MANSC1: variants seen among roughly 807,000 people sequenced by gnomAD.
MANSC1 encodes MANSC domain-containing protein 1.
MANSC1 carries 13 observed loss-of-function variants against 14.1 expected under a neutral mutation model. The observed-to-expected ratio is 0.92, with a 90% CI of 0.60 to 1.46. The LOEUF (loss-of-function observed/expected upper bound fraction) is 1.46. Among genes scored for constraint, MANSC1 ranks in the 40% most tolerant of loss-of-function variants. The probability of loss-of-function intolerance (pLI) is 0.00; values close to 1 mark genes in which losing one functional copy is unlikely to be tolerated. For missense variants in MANSC1, 486 were observed against 511.4 expected (o/e 0.95, Z 0.48); for synonymous variants, 227 against 200.7 (o/e 1.13, Z -1.11).
Position 12,343,475 on chromosome 12 carries a change from C to T in MANSC1, c.-100-61G>A, listed in dbSNP as rs76420539. On this transcript the variant is annotated intron_variant, in intron 1 of 3. Transcript: ENST00000535902. ...TTTCTTTAACAAACAAGGGAAGAAA[C>T]ATTTCATTTCCTTAAAGTCAATGAA... 3.3e-3 allele frequency: 1,924 copies of T among 579,266 alleles called. 33 individuals carry two copies. The highest frequency in any genetic ancestry group is 0.028 in the African/African-American group (1,520 of 53,666). The allele number at this position is 579,266 out of a possible 1,614,324, so 35.9% of individuals were successfully genotyped here.
rs1014298968 is a variant in MANSC1 at position 12,350,201 on chromosome 12, G to T, written c.-224C>A. On this transcript the variant is annotated 5_prime_UTR_variant, in exon 1 of 4. Transcript: ENST00000535902. ...CGGCGAGGACCGCAGCGGATGCTCC[G>T]CAGCTCCCGCACCGGCCTGGCGGGT... 8 of 152,252 alleles carry T rather than the reference G, an allele frequency of 5.3e-5. No homozygotes were observed. Among genetic ancestry groups the T allele is most frequent in the Non-Finnish European group, 8.8e-5 (6 of 68,052 alleles). 9.4% of individuals were successfully genotyped at this position (152,252 alleles called of 1,614,324 possible). A position where few individuals can be genotyped will look rare whatever the true frequency, so the allele number is the denominator to read the frequency against.
Position 12,343,380 on chromosome 12 carries a change from C to T in MANSC1, c.-66G>A. 1 of 1,138,724 alleles carries T rather than the reference C, an allele frequency of 8.8e-7. No homozygotes were observed. The highest frequency in any genetic ancestry group is 2.4e-5 in the East Asian group (1 of 41,018). The allele number at this position is 1,138,724 out of a possible 1,614,324, so 70.5% of individuals were successfully genotyped here. A position where few individuals can be genotyped will look rare whatever the true frequency, so the allele number is the denominator to read the frequency against. ...TAATCCTCCCTCTGGTCTTAGTTTG[C>T]TTTAAGAAGGCTGCACAGATGATGA... is the stretch of plus-strand genomic sequence containing the variant. On this transcript the variant is annotated 5_prime_UTR_variant, in exon 2 of 4. Coordinates refer to ENST00000535902, the MANE Select transcript of MANSC1 (RefSeq NM_018050.4).
intron 3 of MANSC1, among the ~76,000 whole-genome samples, chr12:12,337,593 C>T (rs1323823712): frequency 6.6e-6 from 1 of 152,124 alleles, no homozygotes; most frequent in Non-Finnish European, 1.5e-5. Context: ...ACAACAACAA[C>T]AAACCCCACT....
chr12:12,347,777 G>A (rs549267085), intron 1 of MANSC1, among the ~76,000 whole-genome samples: 25 of 152,188 alleles, frequency 1.6e-4, no homozygotes, highest in Non-Finnish European at 2.9e-4. Context: ...AGAAATTCTC[G>A]CCTGGGCGCG....
chr12:12,344,821 C>G lies in MANSC1; in HGVS notation c.-100-1407G>C, dbSNP rs369051409. ...GCTTCCTGCCTTCAAACATCAGACT[C>G]CAAGTTCTTCAGTTTTGAAACTCCT... On this transcript the variant is annotated intron_variant, in intron 1 of 3. Transcript: ENST00000535902. 6.8e-5 allele frequency among the ~76,000 whole-genome samples: 10 copies of G among 147,646 alleles called. No homozygotes were observed. The East Asian group carries it at 1.4e-3, about 21-fold the overall frequency.
chr12:12,339,653 C>T (rs1444529732), intron 2 of MANSC1, among the ~76,000 whole-genome samples: 1 of 152,172 alleles, frequency 6.6e-6, no homozygotes, highest in African/African-American at 2.4e-5. Flanking sequence ...TGGCTCCTTC[C>T]ACACAGGATC....
intron 1 of MANSC1, among the ~76,000 whole-genome samples, chr12:12,347,870 C>T (rs1207452497): frequency 2.0e-5 from 3 of 151,854 alleles, no homozygotes; most frequent in Non-Finnish European, 2.9e-5. Context: ...ATCAGCCTGA[C>T]CAACATGGTG....
At chr12:12,332,925 C>T (rs1051435662) in intron 3 of MANSC1, among the ~76,000 whole-genome samples, 11 of 152,054 alleles carry the variant, frequency 7.2e-5, no homozygotes, top group Non-Finnish European at 1.5e-4. Flanking sequence ...ACCTAAAGTA[C>T]TGGTGTGAAA....
chr12:12,344,500 T>C (rs1862978826), intron 1 of MANSC1, among the ~76,000 whole-genome samples: 1 of 146,232 alleles, frequency 6.8e-6, no homozygotes, highest in South Asian at 2.2e-4. Context: ...TGAGACAGAG[T>C]ATTGCTGTCG....
intron 3 of MANSC1, 136 bp from the exon 4 acceptor site, chr12:12,331,094 C>A (rs911479166): frequency 4.9e-6 from 3 of 615,492 alleles, no homozygotes; most frequent in Admixed American, 3.1e-5. Context: ...ATAATCCCAG[C>A]ACTTTGGGAG....
At chr12:12,333,562 G>T (rs1423710637) in intron 3 of MANSC1, among the ~76,000 whole-genome samples, 2 of 152,112 alleles carry the variant, frequency 1.3e-5, no homozygotes, top group African/African-American at 2.4e-5. Flanking sequence ...ACCACAAAGG[G>T]ATCCTCCACA....
Position 12,330,521 on chromosome 12 carries a change from C to T in MANSC1, c.802G>A (p.Ala268Thr). 2 of 1,614,142 alleles carry T rather than the reference C, an allele frequency of 1.2e-6. No homozygotes were observed. The highest frequency in any genetic ancestry group is 2.2e-5 in the East Asian group (1 of 44,890). The change falls in exon 4 of 4, where the codon GCT becomes ACT. Residue 268 changes from alanine to threonine, a missense_variant. Coordinates refer to ENST00000535902, the MANE Select transcript of MANSC1 (RefSeq NM_018050.4). ...GAAGTGACAGTGGTTACAGGTGGAG[C>T]TGTGGTGGCCAGCTGTGGCTGGGAA... ...GTSQPQLATT[A>T]PPVTTVTSQP...
intron 3 of MANSC1, among the ~76,000 whole-genome samples, chr12:12,335,867 C>T (rs1862852660): frequency 6.6e-6 from 1 of 151,526 alleles, no homozygotes; most frequent in Non-Finnish European, 1.5e-5. Context: ...AATAAAACTC[C>T]CAACAGCTTC....
intron 3 of MANSC1, among the ~76,000 whole-genome samples, chr12:12,334,795 T>C (rs1862837036): frequency 6.6e-6 from 1 of 152,186 alleles, no homozygotes; most frequent in Admixed American, 6.6e-5. Flanking sequence ...CATCGTATCC[T>C]AACAACAATT....
chr12:12,338,613 T>C (rs1862891013), intron 2 of MANSC1, 53 bp from the exon 3 acceptor site: 1 of 1,564,832 alleles, frequency 6.4e-7, no homozygotes, highest in African/African-American at 1.4e-5. Flanking sequence ...TTCTAAAGAG[T>C]AGGGCAAGTA....
intron 1 of MANSC1, among the ~76,000 whole-genome samples, chr12:12,345,725 C>T (rs1373179366): frequency 6.6e-6 from 1 of 152,192 alleles, no homozygotes; most frequent in Non-Finnish European, 1.5e-5. Context: ...AGCAGAATTA[C>T]TACTTCTTTA....
chr12:12,331,652 G>C (rs1032432262), intron 3 of MANSC1, among the ~76,000 whole-genome samples: 1 of 152,132 alleles, frequency 6.6e-6, no homozygotes, highest in Admixed American at 6.6e-5. Flanking sequence ...GAAGCTGTGG[G>C]AAATGAGGCA....
At position 12,329,876 on chromosome 12, in the gene MANSC1, ACT is replaced by A. The variant is rs1020932435; in HGVS notation, c.*149_*150del. 1.5e-5 allele frequency: 10 copies of A among 653,570 alleles called. No individual in the cohort carries two copies. Among genetic ancestry groups the A allele is most frequent in the Non-Finnish European group, 2.3e-5 (9 of 391,798 alleles). The allele number at this position is 653,570 out of a possible 1,614,324, so 40.5% of individuals were successfully genotyped here. On this transcript the variant is annotated 3_prime_UTR_variant, in exon 4 of 4. Transcript: ENST00000535902. ...ACTCCAGCCTGGGCAACAAAGCAAGACTCTGTCTCCAAAAAAAAAAAAGGAAA... is the reference window on the plus strand; with the variant it reads ...ACTCCAGCCTGGGCAACAAAGCAAGACTGTCTCCAAAAAAAAAAAAGGAAA...
chr12:12,338,888 CAA>C (rs1491127460), intron 2 of MANSC1: 6 of 290,240 alleles, frequency 2.1e-5, no homozygotes, highest in South Asian at 6.5e-5. Flanking sequence ...CACACACACA[CAA>C]ACACACACAC....
Sources: gnomAD v4.1 joint callset for allele counts (sites outside exome capture counted in the v4.1 genomes callset) on GRCh38, gnomAD v4.1.1 for gene constraint, MANE v1.5 for transcripts, NCBI Gene and HGNC (gene_info 2026-07-23, HGNC 2026-07-21) for gene names.